STX12: variants seen among roughly 807,000 people sequenced by gnomAD.
STX12 encodes syntaxin 12.
A neutral mutation model predicts 42.2 loss-of-function variants in STX12; 17 were observed. The ratio of observed to expected loss-of-function variants is 0.40; its 90% CI spans 0.28 to 0.60. STX12 has a LOEUF of 0.60. STX12 is among the 20% of genes least tolerant of loss of function. The probability of loss-of-function intolerance (pLI) is 0.39; values close to 1 mark genes in which losing one functional copy is unlikely to be tolerated. For synonymous variants in STX12, 108 were observed against 116.7 expected (o/e 0.93, Z 0.48); for missense variants, 297 against 330.9 (o/e 0.90, Z 0.79).
intron 1 of STX12, among the ~76,000 whole-genome samples, chr1:27,777,069 G>T (rs995763611): frequency 1.3e-5 from 2 of 152,186 alleles, no homozygotes; most frequent in Non-Finnish European, 2.9e-5. Flanking sequence ...CTGATTGTGT[G>T]TATATGTGTG....
At chr1:27,818,226 A>T (rs1340099619) in intron 7 of STX12, among the ~76,000 whole-genome samples, 1 of 152,096 alleles carries the variant, frequency 6.6e-6, no homozygotes, top group Non-Finnish European at 1.5e-5. Context: ...CTAAAAATAC[A>T]AAAAATTAGC....
At chr1:27,800,149 CCAAA>C (rs1242113561) in intron 3 of STX12, among the ~76,000 whole-genome samples, 3 of 152,348 alleles carry the variant, frequency 2.0e-5, no homozygotes, top group East Asian at 1.9e-4. Flanking sequence ...GTAGTTCCAA[CCAAA>C]CAGTCTGTCT....
chr1:27,801,963 A>C (rs1425159288), intron 4 of STX12, 148 bp downstream of exon 4: 1 of 781,860 alleles, frequency 1.3e-6, no homozygotes, highest in Non-Finnish European at 1.9e-6. Flanking sequence ...TAAAAAACAT[A>C]TATGCATGTG....
At chr1:27,792,730 T>G (rs1176115587) in intron 2 of STX12, among the ~76,000 whole-genome samples, 1 of 152,140 alleles carries the variant, frequency 6.6e-6, no homozygotes, top group Non-Finnish European at 1.5e-5. Flanking sequence ...TTTCAACATA[T>G]GAATTTTGCA....
Position 27,822,489 on chromosome 1 carries a change from A to G in STX12, c.*160A>G. On this transcript the variant is annotated 3_prime_UTR_variant, in exon 9 of 9. Coordinates refer to ENST00000373943, the MANE Select transcript of STX12 (RefSeq NM_177424.3). ...AACTAGTCTTTGGAATTCGTGACCTATGGAGACAGTAATTATCAATTTATT... is the reference window on the plus strand; with the variant it reads ...AACTAGTCTTTGGAATTCGTGACCTGTGGAGACAGTAATTATCAATTTATT... 1.9e-6 allele frequency: 1 copy of G among 536,890 alleles called. No individual in the cohort carries two copies. The highest frequency in any genetic ancestry group is 3.4e-6 in the Non-Finnish European group (1 of 296,828). 33.3% of individuals were successfully genotyped at this position (536,890 alleles called of 1,614,324 possible).
At chr1:27,789,781 G>A in intron 2 of STX12, 150 bp downstream of exon 2, 2 of 600,470 alleles carry the variant, frequency 3.3e-6, no homozygotes, top group Non-Finnish European at 5.9e-6. Flanking sequence ...AGAGGGGCGG[G>A]GCAACAAAGT....
intron 4 of STX12, among the ~76,000 whole-genome samples, chr1:27,808,316 TTTATTTATTTA>T (rs2088879046): frequency 8.9e-6 from 1 of 112,916 alleles, no homozygotes; most frequent in Non-Finnish European, 1.6e-5. Flanking sequence ...TTGTTTTTTA[TTTATTTATTTA>T]TTTATTTATT....
intron 3 of STX12, among the ~76,000 whole-genome samples, chr1:27,799,600 A>G (rs905410879): frequency 3.3e-5 from 5 of 150,630 alleles, no homozygotes; most frequent in African/African-American, 1.2e-4. Flanking sequence ...CTCCTGCCTC[A>G]GCCTCCCAAG....
At chr1:27,774,711 C>T (rs1309154156) in intron 1 of STX12, among the ~76,000 whole-genome samples, 2 of 152,078 alleles carry the variant, frequency 1.3e-5, no homozygotes, top group African/African-American at 2.4e-5. Context: ...ACAGAGTCTA[C>T]TTCTGTCACC....
At chr1:27,819,270 T>TAAA (rs1193228798) in intron 7 of STX12, among the ~76,000 whole-genome samples, 47 of 114,242 alleles carry the variant, frequency 4.1e-4, no homozygotes, top group African/African-American at 1.5e-3. Flanking sequence ...TCCCGTCTCT[T>TAAA]AAAAAAAAAA....
chr1:27,807,342 C>T (rs1368086519), intron 4 of STX12, among the ~76,000 whole-genome samples: 1 of 152,128 alleles, frequency 6.6e-6, no homozygotes, highest in Non-Finnish European at 1.5e-5. Context: ...TCCCCACTTC[C>T]CCGCCACCAG....
intron 1 of STX12, among the ~76,000 whole-genome samples, chr1:27,780,773 G>A (rs1417098751): frequency 1.3e-5 from 2 of 151,906 alleles, no homozygotes; most frequent in African/African-American, 4.8e-5. Context: ...GCAACTTGGC[G>A]AAACCCTGGC....
intron 4 of STX12, among the ~76,000 whole-genome samples, chr1:27,804,251 C>T (rs1338162916): frequency 6.6e-6 from 1 of 151,040 alleles, no homozygotes; most frequent in East Asian, 2.0e-4. Flanking sequence ...CATGGAGAAA[C>T]CCTGTCTCTA....
intron 4 of STX12, among the ~76,000 whole-genome samples, chr1:27,802,944 G>T (rs1194436226): frequency 1.3e-5 from 2 of 152,094 alleles, no homozygotes; most frequent in Non-Finnish European, 2.9e-5. Context: ...TTTCTAAAAT[G>T]GAAAGATATA....
chr1:27,814,670 A>G (rs2088928420), intron 6 of STX12, among the ~76,000 whole-genome samples: 1 of 151,988 alleles, frequency 6.6e-6, no homozygotes, highest in Admixed American at 6.6e-5. Context: ...CCAACATGGT[A>G]AAACCCCGTG....
chr1:27,794,642 C>T (rs1165512774), intron 3 of STX12, among the ~76,000 whole-genome samples: 2 of 152,164 alleles, frequency 1.3e-5, no homozygotes, highest in Non-Finnish European at 2.9e-5. Flanking sequence ...AAAAAACTTT[C>T]TCCGTCTACC....
intron 1 of STX12, among the ~76,000 whole-genome samples, 184 bp downstream of exon 1, chr1:27,773,609 T>C (rs957572573): frequency 6.6e-6 from 1 of 152,000 alleles, no homozygotes; most frequent in African/African-American, 2.4e-5. Context: ...TGCCCGAGGG[T>C]CCCCGGCCCC....
intron 1 of STX12, among the ~76,000 whole-genome samples, chr1:27,781,248 T>G (rs1197051698): frequency 6.6e-6 from 1 of 152,080 alleles, no homozygotes; most frequent in Non-Finnish European, 1.5e-5. Flanking sequence ...TTCACCATGT[T>G]GACCAAGCTG....
intron 8 of STX12, 54 bp downstream of exon 8, chr1:27,819,786 C>T: frequency 6.7e-7 from 1 of 1,494,216 alleles, no homozygotes; most frequent in Non-Finnish European, 9.3e-7. Context: ...TTTAGGCCAT[C>T]AGAGTACATT....
Sources: allele counts gnomAD v4.1 joint callset (sites outside exome capture counted in the v4.1 genomes callset), GRCh38; gene constraint gnomAD v4.1.1; transcripts MANE v1.5; gene names NCBI Gene and HGNC (gene_info 2026-07-23, HGNC 2026-07-21).